Variants in TAB2 observed in about 807,000 individuals in gnomAD.
TAB2 encodes the protein TGF-beta-activated kinase 1 and MAP3K7-binding protein 2.
A neutral mutation model predicts 65.0 loss-of-function variants in TAB2; 3 were observed. The ratio of observed to expected loss-of-function variants is 0.05; its 90% CI spans 0.02 to 0.12. The LOEUF (loss-of-function observed/expected upper bound fraction) is 0.12. Ranked by LOEUF, TAB2 falls within the 10% of genes least tolerant of loss-of-function variation. TAB2 has a pLI of 1.00. For synonymous variants in TAB2, 298 were observed against 285.1 expected (o/e 1.05, Z -0.46); for missense variants, 623 against 840.3 (o/e 0.74, Z 3.20).
intron 1 of TAB2, among the ~76,000 whole-genome samples, chr6:149,286,869 A>G (rs1778685500): frequency 6.6e-6 from 1 of 152,186 alleles, no homozygotes; most frequent in Non-Finnish European, 1.5e-5. Context: ...TAATCCCAGC[A>G]CTTTGGGAGG....
At chr6:149,380,451 T>G (rs946362255) in intron 3 of TAB2, among the ~76,000 whole-genome samples, 1 of 141,102 alleles carries the variant, frequency 7.1e-6, no homozygotes, top group Non-Finnish European at 1.6e-5. Context: ...AATCTTTCAA[T>G]TGATTATCCT....
At chr6:149,359,256 AATAAG>A (rs1465351811) in intron 1 of TAB2, among the ~76,000 whole-genome samples, 2 of 152,216 alleles carry the variant, frequency 1.3e-5, no homozygotes, top group Admixed American at 1.3e-4. Context: ...GGGTTAAAGA[AATAAG>A]ATTCCATAGC....
intron 2 of TAB2, 52 bp downstream of exon 2, chr6:149,370,151 A>C (rs1422583020): frequency 1.5e-5 from 22 of 1,463,000 alleles, no homozygotes; most frequent in Non-Finnish European, 2.1e-5. Flanking sequence ...GTATTTTTTT[A>C]AACATTGGAA....
intron 1 of TAB2, among the ~76,000 whole-genome samples, chr6:149,338,110 A>C (rs986263373): frequency 6.6e-6 from 1 of 152,230 alleles, no homozygotes; most frequent in African/African-American, 2.4e-5. Flanking sequence ...GGTAACGTGT[A>C]TATTGTATAT....
rs1257044302 is a variant in TAB2, at chr6:149,266,587, C to T, written c.-121+47811C>T. ...AACAAAACAGTGATCGGCTTATAAC[C>T]CACAGCTTGATCCCCTGTAAGTTTG... On this transcript the variant is annotated intron_variant, in intron 1 of 1. Coordinates refer to the TAB2 transcript ENST00000606202. Among the ~76,000 whole-genome samples, 3 of 152,290 alleles carry T rather than the reference C, an allele frequency of 2.0e-5. No individual in the cohort carries two copies. The South Asian group carries it at 6.2e-4, about 32-fold the overall frequency.
intron 2 of TAB2, among the ~76,000 whole-genome samples, chr6:149,371,640 A>G (rs1019692793): frequency 2.0e-5 from 3 of 152,236 alleles, no homozygotes; most frequent in African/African-American, 2.4e-5. Flanking sequence ...TACAGTGGGA[A>G]TAAAAAAAAC....
chr6:149,327,441 C>T (rs1338185312), intron 1 of TAB2, among the ~76,000 whole-genome samples: 2 of 152,168 alleles, frequency 1.3e-5, no homozygotes, highest in African/African-American at 2.4e-5. Flanking sequence ...GCTAGGACTA[C>T]GTATGGCATG....
intron 1 of TAB2, among the ~76,000 whole-genome samples, chr6:149,365,619 G>A (rs1233730354): frequency 6.6e-6 from 1 of 151,530 alleles, no homozygotes; most frequent in Admixed American, 6.6e-5. Context: ...TTTTCTATTC[G>A]GGATTTGCTG....
At chr6:149,381,569 CTTTTTTTTTTTT>C (rs557951574) in intron 3 of TAB2, among the ~76,000 whole-genome samples, 1 of 95,582 alleles carries the variant, frequency 1.0e-5, no homozygotes, top group Non-Finnish European at 2.0e-5. Flanking sequence ...CCCTCCTATT[CTTTTTTTTTTTT>C]TTTTTTTTTT....
At chr6:149,258,125 G>C (rs189800180) in intron 1 of TAB2, among the ~76,000 whole-genome samples, 8 of 152,310 alleles carry the variant, frequency 5.3e-5, no homozygotes, top group African/African-American at 1.9e-4. Context: ...TCTCCAGCTA[G>C]AGAGTCTGGG....
intron 1 of TAB2, among the ~76,000 whole-genome samples, chr6:149,323,511 T>TA (rs1173279966): frequency 6.6e-5 from 10 of 152,154 alleles, no homozygotes; most frequent in African/African-American, 2.4e-4. Context: ...GTCGTTTACT[T>TA]ACATTTCTGT....
intron 1 of TAB2, among the ~76,000 whole-genome samples, chr6:149,368,746 A>G (rs974262117): frequency 1.3e-5 from 2 of 152,052 alleles, no homozygotes; most frequent in Admixed American, 1.3e-4. Context: ...GATTTTATCC[A>G]TGAGATGTAA....
chr6:149,224,472 C>T (rs1777223782), intron 1 of TAB2, among the ~76,000 whole-genome samples: 1 of 152,182 alleles, frequency 6.6e-6, no homozygotes, highest in East Asian at 1.9e-4. Context: ...ACATGTATAT[C>T]ACAGGCTCCT....
chr6:149,250,256 A>G (rs1777830614), intron 1 of TAB2, among the ~76,000 whole-genome samples: 1 of 152,148 alleles, frequency 6.6e-6, no homozygotes, highest in African/African-American at 2.4e-5. Context: ...GCCATACAGG[A>G]AAGTCTAAAG....
chr6:149,321,535 A>G (rs1288950143), intron 1 of TAB2: 1 of 152,178 alleles, frequency 6.6e-6, no homozygotes, highest in East Asian at 1.9e-4. Flanking sequence ...CAGCCTATTT[A>G]CTAGTAAGTG....
intron 1 of TAB2, among the ~76,000 whole-genome samples, chr6:149,260,215 TG>T (rs1424409703): frequency 1.3e-5 from 2 of 152,228 alleles, no homozygotes; most frequent in Non-Finnish European, 2.9e-5. Context: ...GGACAGCCCC[TG>T]GCATCACTCT....
At chr6:149,230,961 A>T (rs191421790) in intron 1 of TAB2, among the ~76,000 whole-genome samples, 1 of 152,270 alleles carries the variant, frequency 6.6e-6, no homozygotes, top group East Asian at 1.9e-4. Flanking sequence ...GTTTTGCTGC[A>T]TGAGAGAGAT....
chr6:149,294,961 C>T (rs1166729743), intron 1 of TAB2, among the ~76,000 whole-genome samples: 2 of 152,164 alleles, frequency 1.3e-5, no homozygotes, highest in Non-Finnish European at 2.9e-5. Context: ...AAATATAACA[C>T]ACAGGTAAAG....
At chr6:149,370,602 A>T (rs892092952) in intron 2 of TAB2, among the ~76,000 whole-genome samples, 2 of 152,100 alleles carry the variant, frequency 1.3e-5, no homozygotes, top group Non-Finnish European at 2.9e-5. Context: ...CAAATGGGGG[A>T]AAAAAGTCTG....
Sources: gnomAD v4.1 joint callset for allele counts (sites outside exome capture counted in the v4.1 genomes callset) on GRCh38, gnomAD v4.1.1 for gene constraint, MANE v1.5 for transcripts, NCBI Gene and HGNC (gene_info 2026-07-23, HGNC 2026-07-21) for gene names.